DNAJB6: variants seen among roughly 807,000 people sequenced by gnomAD.
DNAJB6 encodes the protein dnaJ homolog subfamily B member 6.
A neutral mutation model predicts 42.7 loss-of-function variants in DNAJB6; 16 were observed. The observed-to-expected ratio is 0.37, with a 90% CI of 0.25 to 0.57. The LOEUF (loss-of-function observed/expected upper bound fraction) is 0.57, where lower values mean the gene tolerates loss of function less well. Ranked by LOEUF, DNAJB6 falls within the 20% of genes least tolerant of loss-of-function variation. The probability of loss-of-function intolerance (pLI) is 0.74; values close to 1 mark genes in which losing one functional copy is unlikely to be tolerated. For missense variants in DNAJB6, 347 were observed against 416.8 expected (o/e 0.83, Z 1.46); for synonymous variants, 170 against 163.5 (o/e 1.04, Z -0.30).
At chr7:157,346,262 T>C (rs766653700) in intron 1 of DNAJB6, among the ~76,000 whole-genome samples, 7 of 146,500 alleles carry the variant, frequency 4.8e-5, no homozygotes, top group South Asian at 4.3e-4. Flanking sequence ...TTAAATGATA[T>C]TAGGCTACTC....
At chr7:157,393,952 C>T (rs1487087139) in intron 8 of DNAJB6, among the ~76,000 whole-genome samples, 1 of 152,198 alleles carries the variant, frequency 6.6e-6, no homozygotes, top group Non-Finnish European at 1.5e-5. Flanking sequence ...TGTTCTGAGG[C>T]CTGTGATCAT....
intron 8 of DNAJB6, among the ~76,000 whole-genome samples, chr7:157,392,120 A>G (rs1308734995): frequency 3.6e-5 from 5 of 139,900 alleles, no homozygotes; most frequent in African/African-American, 1.1e-4. Context: ...AAAAAAAAGG[A>G]TAGTCATAAA....
At chr7:157,361,848 A>T (rs1450332690) in intron 2 of DNAJB6, among the ~76,000 whole-genome samples, 2 of 152,120 alleles carry the variant, frequency 1.3e-5, no homozygotes, top group African/African-American at 2.4e-5. Flanking sequence ...GGCTCACTGC[A>T]ACCTCTTTCT....
intron 8 of DNAJB6, among the ~76,000 whole-genome samples, chr7:157,409,224 CGGCCCG>C (rs1563153428): frequency 3.3e-5 from 5 of 152,140 alleles, no homozygotes; most frequent in African/African-American, 1.2e-4. Flanking sequence ...GTTGAGAAGC[CGGCCCG>C]TCTTGGGTGT....
chr7:157,382,911 T>C (rs182828159), intron 6 of DNAJB6, among the ~76,000 whole-genome samples: 12 of 152,310 alleles, frequency 7.9e-5, no homozygotes, highest in Admixed American at 7.2e-4. Flanking sequence ...AATATGCATA[T>C]ATCATGATAT....
At chr7:157,354,323 T>G (rs1799162994) in intron 1 of DNAJB6, among the ~76,000 whole-genome samples, 1 of 152,034 alleles carries the variant, frequency 6.6e-6, no homozygotes, top group African/African-American at 2.4e-5. Context: ...AATTTTGTAT[T>G]TTTAGTAGAG....
chr7:157,382,618 G>A (rs551639267), intron 6 of DNAJB6: 17 of 292,906 alleles, frequency 5.8e-5, no homozygotes, highest in African/African-American at 3.1e-4. Flanking sequence ...AGGCCAGAAT[G>A]TAATGAAATT....
At chr7:157,339,598 CTTTTGTGT>C (rs1319383143) in intron 1 of DNAJB6, among the ~76,000 whole-genome samples, 78 of 134,310 alleles carry the variant, frequency 5.8e-4, no homozygotes, top group East Asian at 1.5e-3. Flanking sequence ...CGCGCCCGGC[CTTTTGTGT>C]GTGTGTGTGT....
intron 8 of DNAJB6, among the ~76,000 whole-genome samples, chr7:157,401,565 G>A (rs1795519246): frequency 6.6e-6 from 1 of 152,212 alleles, no homozygotes; most frequent in South Asian, 2.1e-4. Context: ...TGTTCATATG[G>A]TGGATGTAGC....
intron 8 of DNAJB6, among the ~76,000 whole-genome samples, chr7:157,405,606 G>A (rs934443672): frequency 6.6e-6 from 1 of 152,224 alleles, no homozygotes; most frequent in Non-Finnish European, 1.5e-5. Flanking sequence ...AGGCCTTGGG[G>A]GCATGTCTGG....
intron 8 of DNAJB6, among the ~76,000 whole-genome samples, chr7:157,404,376 G>A (rs990818409): frequency 6.8e-6 from 1 of 148,110 alleles, no homozygotes; most frequent in Non-Finnish European, 1.5e-5. Flanking sequence ...CTGCAGCCTT[G>A]AACCCCCTCG....
intron 1 of DNAJB6, among the ~76,000 whole-genome samples, chr7:157,353,625 GTATT>G (rs1799123028): frequency 6.7e-6 from 1 of 149,480 alleles, no homozygotes; most frequent in Non-Finnish European, 1.5e-5. Context: ...GTGTGTGTAT[GTATT>G]TTTTTTTGTT....
At chr7:157,414,533 C>CG in intron 9 of DNAJB6, 1 of 152,314 alleles carries the variant, frequency 6.6e-6, no homozygotes, top group Non-Finnish European at 1.5e-5. Flanking sequence ...TCTGTTCGTT[C>CG]TTTCTTTCCG....
chr7:157,371,247 A>G (rs1800195063), intron 5 of DNAJB6, among the ~76,000 whole-genome samples: 1 of 152,224 alleles, frequency 6.6e-6, no homozygotes, highest in Non-Finnish European at 1.5e-5. Context: ...GCTGTTGACA[A>G]ATCATATTTA....
rs918572074 is a variant in DNAJB6 at position 157,353,335 on chromosome 7, G to A, written c.-26-5212G>A. ...CAGAAAAGTTGTAAAGATAGTACAG[G>A]GATTTTCCTGTATACCATTCACCCA... On this transcript the variant is annotated intron_variant, in intron 1 of 9. Transcript: ENST00000262177. Among the ~76,000 whole-genome samples the A allele has an allele frequency of 2.6e-5, 4 of 152,006 alleles. No individual in the cohort carries two copies. In the East Asian group the frequency reaches 7.7e-4, roughly 29 times the overall value.
intron 8 of DNAJB6, chr7:157,386,173 G>T (rs1036695826): frequency 8.8e-5 from 85 of 968,660 alleles, no homozygotes; most frequent in Non-Finnish European, 1.0e-4. Flanking sequence ...TGGCAACTTA[G>T]TAAGTTTTGA....
intron 6 of DNAJB6, among the ~76,000 whole-genome samples, chr7:157,382,917 G>GAT (rs1204030425): frequency 6.6e-6 from 1 of 152,192 alleles, no homozygotes; most frequent in Non-Finnish European, 1.5e-5. Context: ...CATATATCAT[G>GAT]ATATGCCTGT....
At chr7:157,340,517 C>T (rs564370779) in intron 1 of DNAJB6, among the ~76,000 whole-genome samples, 13 of 150,480 alleles carry the variant, frequency 8.6e-5, no homozygotes, top group African/African-American at 2.7e-4. Flanking sequence ...GCAGAAAAGT[C>T]AACTAGTAAA....
At chr7:157,391,045 A>AGG (rs1268078268) in intron 8 of DNAJB6, among the ~76,000 whole-genome samples, 1 of 152,122 alleles carries the variant, frequency 6.6e-6, no homozygotes, top group Non-Finnish European at 1.5e-5. Context: ...CGTGTTGCCC[A>AGG]GGCTGGTCTT....
Sources: allele counts gnomAD v4.1 joint callset (sites outside exome capture counted in the v4.1 genomes callset), GRCh38; gene constraint gnomAD v4.1.1; transcripts MANE v1.5; gene names NCBI Gene and HGNC (gene_info 2026-07-23, HGNC 2026-07-21).